Variants in CDH20 observed in about 807,000 individuals in gnomAD.
CDH20 encodes cadherin-20.
A neutral mutation model predicts 74.2 loss-of-function variants in CDH20; 29 were observed. That is an observed-to-expected ratio of 0.39 (90% confidence interval 0.29 to 0.53). The LOEUF (loss-of-function observed/expected upper bound fraction) is 0.53. Among genes scored for constraint, CDH20 ranks in the 20% least tolerant of loss-of-function variants. CDH20 has a pLI of 0.69. For synonymous variants in CDH20, 469 were observed against 405.4 expected (o/e 1.16, Z -1.88); for missense variants, 988 against 1,048.3 (o/e 0.94, Z 0.79).
At position 61,538,612 on chromosome 18, in the gene CDH20, TTG is replaced by T. The variant is rs1457229123; in HGVS notation, c.1409-410_1409-409del. On this transcript the variant is annotated intron_variant, in intron 8 of 11. Transcript: ENST00000262717. Reference sequence around the variant, plus strand: ...TGTTTGTTTGTTTTTGTTTTTGTTTTTGTTTTTGTTTTGTTTTTTTTTTTGAG... The same window carrying T: ...TGTTTGTTTGTTTTTGTTTTTGTTTTTTTTTGTTTTGTTTTTTTTTTTGAG... Among the ~76,000 whole-genome samples the T allele has an allele frequency of 7.8e-3, 346 of 44,256 alleles. 26 individuals carry two copies. Among genetic ancestry groups the T allele is most frequent in the African/African-American group, 0.015 (201 of 13,860 alleles). 29.0% of individuals were successfully genotyped at this position (44,256 alleles called of 152,430 possible).
intron 1 of CDH20, among the ~76,000 whole-genome samples, chr18:61,415,943 AT>A (rs1912667080): frequency 6.6e-6 from 1 of 152,026 alleles, no homozygotes; most frequent in South Asian, 2.1e-4. Flanking sequence ...CATGATTCTT[AT>A]GTCTTATTAT....
At chr18:61,541,248 T>C (rs987848882) in intron 9 of CDH20, among the ~76,000 whole-genome samples, 1 of 151,718 alleles carries the variant, frequency 6.6e-6, no homozygotes, top group Non-Finnish European at 1.5e-5. Flanking sequence ...GTGAGGAGGT[T>C]TGGGTCTTTA....
chr18:61,555,161 C>A lies in CDH20; in HGVS notation c.*466C>A, dbSNP rs995729927. On this transcript the variant is annotated 3_prime_UTR_variant, in exon 12 of 12. Coordinates refer to ENST00000262717, the MANE Select transcript of CDH20 (RefSeq NM_031891.4). ...GGCTCAAACCACAGAAACCAACCCA[C>A]AAGAAAGAACAAAAAACTTGTTACT... 1.7e-5 allele frequency: 17 copies of A among 991,210 alleles called. No homozygotes were observed. Among genetic ancestry groups the A allele is most frequent in the Non-Finnish European group, 1.2e-5 (10 of 833,876 alleles). 61.4% of individuals were successfully genotyped at this position (991,210 alleles called of 1,614,324 possible). A position where few individuals can be genotyped will look rare whatever the true frequency, so the allele number is the denominator to read the frequency against.
In CDH20 at chr18:61,417,411, G is replaced by A. The variant is rs549675523; in HGVS notation, c.-152-72991G>A. 4.6e-5 allele frequency among the ~76,000 whole-genome samples: 7 copies of A among 151,900 alleles called. No individual in the cohort carries two copies. In the South Asian group the frequency reaches 1.5e-3, roughly 32 times the overall value. ...TAAGTGTCCATCAATGAATGAATGGGTAATGAAATTACATACATATATACA... is the reference window on the plus strand; with the variant it reads ...TAAGTGTCCATCAATGAATGAATGGATAATGAAATTACATACATATATACA... On this transcript the variant is annotated intron_variant, in intron 1 of 11. Coordinates refer to ENST00000262717, the MANE Select transcript of CDH20 (RefSeq NM_031891.4).
At chr18:61,373,175 A>G (rs1911102031) in intron 1 of CDH20, among the ~76,000 whole-genome samples, 1 of 145,236 alleles carries the variant, frequency 6.9e-6, no homozygotes, top group Non-Finnish European at 1.5e-5. Flanking sequence ...ATGACAGATG[A>G]AAAAAAAAAA....
chr18:61,369,801 C>T (rs1015909192), intron 1 of CDH20, among the ~76,000 whole-genome samples: 1 of 151,994 alleles, frequency 6.6e-6, no homozygotes, highest in Non-Finnish European at 1.5e-5. Flanking sequence ...CCTTAGCAAA[C>T]GAATGCAGGA....
intron 1 of CDH20, among the ~76,000 whole-genome samples, chr18:61,475,214 C>T (rs1447215095): frequency 1.3e-5 from 2 of 152,150 alleles, no homozygotes; most frequent in African/African-American, 4.8e-5. Flanking sequence ...AGAGGAAAGA[C>T]AGATCTGAGA....
chr18:61,434,726 T>C (rs1412766397), intron 1 of CDH20, among the ~76,000 whole-genome samples: 1 of 152,148 alleles, frequency 6.6e-6, no homozygotes, highest in Non-Finnish European at 1.5e-5. Context: ...TAATTTGTCA[T>C]GAAGTTCTCC....
At chr18:61,516,592 A>C (rs1436957894) in intron 6 of CDH20, among the ~76,000 whole-genome samples, 4 of 152,274 alleles carry the variant, frequency 2.6e-5, no homozygotes, top group South Asian at 2.1e-4. Flanking sequence ...AAGTTTCTTG[A>C]ATTTGGAAAT....
intron 1 of CDH20, among the ~76,000 whole-genome samples, chr18:61,462,428 A>G (rs1039203348): frequency 2.6e-5 from 4 of 152,102 alleles, no homozygotes; most frequent in African/African-American, 9.7e-5. Flanking sequence ...TCATCTTAAC[A>G]TGATTATATC....
intron 1 of CDH20, among the ~76,000 whole-genome samples, chr18:61,442,892 G>A (rs956945944): frequency 6.8e-5 from 9 of 132,502 alleles, no homozygotes; most frequent in African/African-American, 1.4e-4. Flanking sequence ...CAGATTTAAA[G>A]ATCTAATTCC....
chr18:61,412,912 A>G (rs1184973349), intron 1 of CDH20, among the ~76,000 whole-genome samples: 1 of 152,196 alleles, frequency 6.6e-6, no homozygotes, highest in Non-Finnish European at 1.5e-5. Context: ...CGGGTAGGAA[A>G]GAGGTTACAA....
chr18:61,484,131 AAAG>A (rs1209941227), intron 1 of CDH20, among the ~76,000 whole-genome samples: 1 of 152,244 alleles, frequency 6.6e-6, no homozygotes, highest in African/African-American at 2.4e-5. Flanking sequence ...ACTTCTTAAC[AAAG>A]AAGAATGTTA....
At chr18:61,442,015 A>G (rs565991443) in intron 1 of CDH20, among the ~76,000 whole-genome samples, 1 of 152,160 alleles carries the variant, frequency 6.6e-6, no homozygotes, top group African/African-American at 2.4e-5. Flanking sequence ...AGGACCCACA[A>G]AATCTTTTAG....
At chr18:61,527,372 T>TAGATAGATAGATAGATAGATGATAGAC (rs1912456167) in intron 6 of CDH20, among the ~76,000 whole-genome samples, 1 of 101,126 alleles carries the variant, frequency 9.9e-6, no homozygotes. Flanking sequence ...TTCTAATAGA[T>TAGATAGATAGATAGATAGATGATAGAC]AGATAGATAG....
chr18:61,541,611 C>G (rs1350803429), intron 9 of CDH20, among the ~76,000 whole-genome samples: 1 of 152,176 alleles, frequency 6.6e-6, no homozygotes, highest in East Asian at 1.9e-4. Flanking sequence ...CACCTTTAGG[C>G]CAAGATACTG....
At chr18:61,515,143 A>G (rs1440426778) in intron 6 of CDH20, among the ~76,000 whole-genome samples, 1 of 152,044 alleles carries the variant, frequency 6.6e-6, no homozygotes, top group Non-Finnish European at 1.5e-5. Context: ...TGTGCTAGCA[A>G]TCAGCGAGAC....
chr18:61,403,612 G>A (rs914950289), intron 1 of CDH20, among the ~76,000 whole-genome samples: 1 of 152,108 alleles, frequency 6.6e-6, no homozygotes, highest in African/African-American at 2.4e-5. Context: ...GCAAAAAGAG[G>A]CCTAATCCTG....
chr18:61,453,951 C>T (rs1256036282), intron 1 of CDH20, among the ~76,000 whole-genome samples: 1 of 152,252 alleles, frequency 6.6e-6, no homozygotes, highest in African/African-American at 2.4e-5. Context: ...ATAGCTCCTC[C>T]ACTTCCTCAC....
Sources: gnomAD v4.1 joint callset for allele counts (sites outside exome capture counted in the v4.1 genomes callset) on GRCh38, gnomAD v4.1.1 for gene constraint, MANE v1.5 for transcripts, NCBI Gene and HGNC (gene_info 2026-07-23, HGNC 2026-07-21) for gene names.